The following MMD2 variants were observed in gnomAD, a reference collection of about 807,000 sequenced individuals.
The protein encoded by MMD2 is monocyte to macrophage differentiation associated 2, also known as monocyte to macrophage differentiation factor 2.
A neutral mutation model predicts 33.5 loss-of-function variants in MMD2; 30 were observed. That is an observed-to-expected ratio of 0.90 (90% CI 0.67 to 1.22). The LOEUF (loss-of-function observed/expected upper bound fraction) is 1.22. MMD2 is among the 50% of genes most tolerant of loss of function. The pLI is 0.00. For missense variants in MMD2, 364 were observed against 325.4 expected, an observed-to-expected ratio of 1.12 and a Z score of -0.91; for synonymous variants, 129 against 123.0, an observed-to-expected ratio of 1.05 and a Z score of -0.32.
At chr7:4,935,103 T>C (rs1785701146) in intron 1 of MMD2, among the ~76,000 whole-genome samples, 1 of 152,028 alleles carries the variant, frequency 6.6e-6, no homozygotes, top group Non-Finnish European at 1.5e-5. Context: ...GGAGAATCTC[T>C]TGAACCCGGG....
downstream of MMD2, among the ~76,000 whole-genome samples, chr7:4,901,157 T>C (rs190140399): frequency 7.1e-6 from 1 of 141,202 alleles, no homozygotes; most frequent in East Asian, 2.2e-4. Flanking sequence ...AAGTGGGATA[T>C]AGGCCGGGTG....
chr7:4,952,103 G>A (rs576556202), intron 1 of MMD2, among the ~76,000 whole-genome samples: 16 of 152,298 alleles, frequency 1.1e-4, no homozygotes, highest in South Asian at 6.2e-4. Context: ...AGCCAGGGAC[G>A]CCCACCACAC....
At chr7:4,935,201 A>G (rs1245894129) in intron 1 of MMD2, among the ~76,000 whole-genome samples, 1 of 151,948 alleles carries the variant, frequency 6.6e-6, no homozygotes, top group Non-Finnish European at 1.5e-5. Flanking sequence ...AAGAAAAAAA[A>G]AACTAGCTAT....
chr7:4,902,971 C>T (rs998572096), downstream of MMD2, among the ~76,000 whole-genome samples: 1 of 152,214 alleles, frequency 6.6e-6, no homozygotes, highest in Admixed American at 6.5e-5. Flanking sequence ...GATATGGTGG[C>T]TCATGCCTAT....
intron 1 of MMD2, among the ~76,000 whole-genome samples, chr7:4,957,007 A>C (rs1246568971): frequency 6.6e-6 from 1 of 151,856 alleles, no homozygotes; most frequent in African/African-American, 2.4e-5. Flanking sequence ...CTCTATTAAA[A>C]ATACAAAAGT....
At chr7:4,947,852 C>A (rs951952775) in intron 1 of MMD2, among the ~76,000 whole-genome samples, 2 of 151,354 alleles carry the variant, frequency 1.3e-5, no homozygotes, top group African/African-American at 2.4e-5. Flanking sequence ...GGGAGTGCCT[C>A]CACACCTGGC....
At chr7:4,919,353 G>C (rs930923350) in intron 3 of MMD2, among the ~76,000 whole-genome samples, 1 of 152,064 alleles carries the variant, frequency 6.6e-6, no homozygotes, top group African/African-American at 2.4e-5. Flanking sequence ...TGGATCACTA[G>C]AGCCCATGAG....
intron 1 of MMD2, among the ~76,000 whole-genome samples, chr7:4,936,946 G>C (rs886069187): frequency 6.6e-6 from 1 of 151,222 alleles, no homozygotes; most frequent in Non-Finnish European, 1.5e-5. Flanking sequence ...ATGTTGGTCA[G>C]GATGGTCTCA....
At chr7:4,937,218 G>A (rs545666897) in intron 1 of MMD2, among the ~76,000 whole-genome samples, 20 of 151,314 alleles carry the variant, frequency 1.3e-4, no homozygotes, top group Non-Finnish European at 2.7e-4. Flanking sequence ...CCAACATGGC[G>A]AAACCCCATC....
chr7:4,919,294 C>G (rs1785215817), intron 3 of MMD2, among the ~76,000 whole-genome samples: 1 of 152,048 alleles, frequency 6.6e-6, no homozygotes, highest in Non-Finnish European at 1.5e-5. Context: ...ACAAGTCAGG[C>G]GTGAAGGCTC....
intron 1 of MMD2, among the ~76,000 whole-genome samples, chr7:4,956,321 G>C (rs957336708): frequency 1.3e-5 from 2 of 151,862 alleles, no homozygotes; most frequent in African/African-American, 4.8e-5. Context: ...AGCTACTCAG[G>C]AGGCTGAGAC....
the MMD2 span, among the ~76,000 whole-genome samples, chr7:4,894,712 G>C: frequency 6.6e-6 from 1 of 152,098 alleles, no homozygotes; most frequent in East Asian, 1.9e-4. This position sits in a 1 kb window ranked among gnomAD's most constrained non-coding sequence, Gnocchi z 4.3. Context: ...GGAACCAGAG[G>C]GAACCCACGC....
chr7:4,895,036 G>C, the MMD2 span, among the ~76,000 whole-genome samples: 2 of 151,296 alleles, frequency 1.3e-5, no homozygotes, highest in Admixed American at 1.3e-4. Context: ...TATCCCCAAC[G>C]CTCAGCCGCT....
chr7:4,894,430 A>G, the MMD2 span, among the ~76,000 whole-genome samples: 1 of 152,152 alleles, frequency 6.6e-6, no homozygotes, highest in South Asian at 2.1e-4. This position sits in a 1 kb window ranked among gnomAD's most constrained non-coding sequence, Gnocchi z 4.3. Flanking sequence ...CAATTCCTAG[A>G]GATAGTAACA....
intron 1 of MMD2, among the ~76,000 whole-genome samples, chr7:4,950,005 A>G (rs905585402): frequency 2.6e-5 from 4 of 152,010 alleles, no homozygotes; most frequent in Admixed American, 6.6e-5. Context: ...ACTGTGGTAA[A>G]ACACACATCA....
intron 1 of MMD2, among the ~76,000 whole-genome samples, chr7:4,935,432 G>C (rs1304198684): frequency 6.6e-6 from 1 of 151,850 alleles, no homozygotes; most frequent in Non-Finnish European, 1.5e-5. Flanking sequence ...CCTGGATATT[G>C]GCATGCTTAG....
the MMD2 span, among the ~76,000 whole-genome samples, chr7:4,895,795 A>G: frequency 5.9e-5 from 9 of 152,096 alleles, no homozygotes; most frequent in Admixed American, 3.3e-4. Flanking sequence ...TGGCCTCCCA[A>G]AGTGCTGGGA....
At chr7:4,957,541 C>G (rs1156444950) in intron 1 of MMD2, among the ~76,000 whole-genome samples, 1 of 151,586 alleles carries the variant, frequency 6.6e-6, no homozygotes, top group East Asian at 1.9e-4. Flanking sequence ...CCCAGCTACT[C>G]GGAAGGCTGA....
chr7:4,939,740 T>G (rs1322843981), intron 1 of MMD2, among the ~76,000 whole-genome samples: 2 of 132,946 alleles, frequency 1.5e-5, no homozygotes, highest in Non-Finnish European at 3.1e-5. Context: ...CTTTCTTTCT[T>G]TCTTTTTTTT....
Sources: gnomAD v4.1 joint callset for allele counts (sites outside exome capture counted in the v4.1 genomes callset) on GRCh38, gnomAD v4.1.1 for gene constraint, Gnocchi (gnomAD v3.1) non-coding constraint, MANE v1.5 for transcripts, NCBI Gene and HGNC (gene_info 2026-07-23, HGNC 2026-07-21) for gene names.